Variants in ZNF362 observed in about 807,000 individuals in gnomAD.
The protein encoded by ZNF362 is zinc finger protein 362, also known as rotund homolog.
ZNF362 carries 11 observed loss-of-function variants against 42.9 expected under a neutral mutation model. The ratio of observed to expected loss-of-function variants is 0.26; its 90% CI spans 0.16 to 0.42. The LOEUF (loss-of-function observed/expected upper bound fraction) is 0.42. Ranked by LOEUF, ZNF362 falls within the 20% of genes least tolerant of loss-of-function variation. The pLI, the probability that ZNF362 is intolerant of heterozygous loss-of-function variation, is 1.00. For missense variants in ZNF362, 362 were observed against 576.2 expected, an observed-to-expected ratio of 0.63 and a Z score of 3.81; for synonymous variants, 255 against 257.3, an observed-to-expected ratio of 0.99 and a Z score of 0.09.
At chr1:33,269,150 T>G (rs1024800693) in intron 1 of ZNF362, among the ~76,000 whole-genome samples, 2 of 152,194 alleles carry the variant, frequency 1.3e-5, no homozygotes, top group Non-Finnish European at 2.9e-5. Context: ...GGGCCTGGCA[T>G]GCAACAGTCA....
chr1:33,137,007 A>G, the ZNF362 span, among the ~76,000 whole-genome samples: 1 of 151,934 alleles, frequency 6.6e-6, no homozygotes, highest in South Asian at 2.1e-4. Flanking sequence ...CAAAAAAAAA[A>G]AAAGAAAAGA....
At chr1:33,136,098 C>CA in the ZNF362 span, among the ~76,000 whole-genome samples, 1 of 151,658 alleles carries the variant, frequency 6.6e-6, no homozygotes, top group Admixed American at 6.6e-5. Flanking sequence ...CATTTGACTC[C>CA]AGCCCAGGGG....
chr1:33,250,207 C>T, the ZNF362 span, among the ~76,000 whole-genome samples: 2 of 152,170 alleles, frequency 1.3e-5, no homozygotes, highest in Non-Finnish European at 2.9e-5. Context: ...CAACCACTTC[C>T]CTTCTCTGGC....
chr1:33,166,839 C>A, the ZNF362 span, among the ~76,000 whole-genome samples: 1 of 152,216 alleles, frequency 6.6e-6, no homozygotes, highest in South Asian at 2.1e-4. Flanking sequence ...CTCAGCAGAG[C>A]ATTGTTAGTG....
chr1:33,161,866 C>T, the ZNF362 span, among the ~76,000 whole-genome samples: 1 of 152,174 alleles, frequency 6.6e-6, no homozygotes, highest in African/African-American at 2.4e-5. The surrounding 1 kb of genome is among the most constrained non-coding windows in gnomAD (Gnocchi z 4.3). Flanking sequence ...TGACTGCTGC[C>T]TCTCTGCCTC....
chr1:33,206,881 C>T, the ZNF362 span, among the ~76,000 whole-genome samples: 1 of 152,134 alleles, frequency 6.6e-6, no homozygotes, highest in African/African-American at 2.4e-5. Flanking sequence ...CAATAAGATA[C>T]TACTATGCAC....
the ZNF362 span, among the ~76,000 whole-genome samples, chr1:33,203,798 C>T: frequency 7.2e-5 from 11 of 152,068 alleles, no homozygotes; most frequent in South Asian, 2.1e-4. Flanking sequence ...CAGTCCTTTG[C>T]GCATTTTTTA....
At chr1:33,196,811 A>AGTTT in the ZNF362 span, among the ~76,000 whole-genome samples, 1 of 152,202 alleles carries the variant, frequency 6.6e-6, no homozygotes, top group Non-Finnish European at 1.5e-5. Flanking sequence ...CAAACATGTG[A>AGTTT]GTAATATATT....
the ZNF362 span, among the ~76,000 whole-genome samples, chr1:33,189,718 TACATAC>T: frequency 7.9e-6 from 1 of 125,804 alleles, no homozygotes; most frequent in African/African-American, 3.2e-5. Flanking sequence ...CGTATATATA[TACATAC>T]ACACATACAC....
At chr1:33,185,762 T>C in the ZNF362 span, among the ~76,000 whole-genome samples, 7 of 76,176 alleles carry the variant, frequency 9.2e-5, no homozygotes, top group Admixed American at 3.0e-4. Flanking sequence ...GAAATTAACA[T>C]CAGGAATTTT....
At chr1:33,169,668 G>T in the ZNF362 span, among the ~76,000 whole-genome samples, 1 of 152,212 alleles carries the variant, frequency 6.6e-6, no homozygotes, top group Non-Finnish European at 1.5e-5. Flanking sequence ...TGGTCCAGAC[G>T]TGTGCTGTTC....
intron 1 of ZNF362, among the ~76,000 whole-genome samples, chr1:33,267,027 C>T (rs528782112): frequency 6.6e-6 from 1 of 152,286 alleles, no homozygotes; most frequent in African/African-American, 2.4e-5. Flanking sequence ...GACCAGGAGT[C>T]CCTTCCTGAC....
chr1:33,188,618 T>C, the ZNF362 span, among the ~76,000 whole-genome samples: 17 of 152,206 alleles, frequency 1.1e-4, no homozygotes, highest in Admixed American at 9.8e-4. Context: ...GGTGGTACCA[T>C]GTCAAGAGCT....
the ZNF362 span, among the ~76,000 whole-genome samples, chr1:33,144,148 T>C: frequency 1.3e-5 from 1 of 78,710 alleles, no homozygotes; most frequent in Non-Finnish European, 2.8e-5. Context: ...TTTTTTTTTT[T>C]TTTTTTTGAG....
the ZNF362 span, among the ~76,000 whole-genome samples, chr1:33,231,389 C>T: frequency 6.6e-6 from 1 of 152,184 alleles, no homozygotes; most frequent in African/African-American, 2.4e-5. Flanking sequence ...TCCTAAGAGA[C>T]ATTTTCTCGT....
chr1:33,259,597 T>C (rs1645816407), intron 1 of ZNF362, among the ~76,000 whole-genome samples: 1 of 152,244 alleles, frequency 6.6e-6, no homozygotes, highest in African/African-American at 2.4e-5. Flanking sequence ...AGTTTATTGG[T>C]TAGTCATCTC....
At chr1:33,181,118 C>G in the ZNF362 span, 3 of 1,600,444 alleles carry the variant, frequency 1.9e-6, no homozygotes, top group East Asian at 6.7e-5. The surrounding 1 kb of genome is among the most constrained non-coding windows in gnomAD (Gnocchi z 6.5). Context: ...GCGCGCGGTC[C>G]GTGAGGCAGA....
the ZNF362 span, among the ~76,000 whole-genome samples, chr1:33,242,265 G>A: frequency 6.6e-6 from 1 of 152,020 alleles, no homozygotes; most frequent in African/African-American, 2.4e-5. Context: ...CCGAGGAAGA[G>A]GAACCAGCAA....
intron 1 of ZNF362, among the ~76,000 whole-genome samples, chr1:33,268,340 C>T (rs1645878741): frequency 6.6e-6 from 1 of 152,166 alleles, no homozygotes; most frequent in Non-Finnish European, 1.5e-5. Context: ...TTTCAGTTCC[C>T]CCCACCTGAT....
Sources: gnomAD v4.1 joint callset for allele counts (sites outside exome capture counted in the v4.1 genomes callset) on GRCh38, gnomAD v4.1.1 for gene constraint, Gnocchi (gnomAD v3.1) non-coding constraint, MANE v1.5 for transcripts, NCBI Gene and HGNC (gene_info 2026-07-23, HGNC 2026-07-21) for gene names.